The following IHO1 variants were observed in gnomAD, a reference collection of about 807,000 sequenced individuals.
IHO1 encodes interactor of HORMAD1 1, also known as interactor of HORMAD1 protein 1.
IHO1 carries 13 observed loss-of-function variants against 31.0 expected under a neutral mutation model. That is an observed-to-expected ratio of 0.42 (90% CI 0.27 to 0.67). The LOEUF is 0.67. Ranked by LOEUF, IHO1 falls within the 30% of genes least tolerant of loss-of-function variation. IHO1 has a pLI of 0.24. For synonymous variants in IHO1, 221 were observed against 248.4 expected (o/e 0.89, Z 1.04); for missense variants, 599 against 687.5 (o/e 0.87, Z 1.44).
chr3:49,241,488 C>T (rs2046630265), intron 4 of IHO1, 99 bp downstream of exon 4: 4 of 1,157,294 alleles, frequency 3.5e-6, no homozygotes, highest in Non-Finnish European at 4.8e-6. Flanking sequence ...AGCATAATAG[C>T]ATGTATTAGA....
At chr3:49,205,911 A>G (rs2107681003) in intron 1 of IHO1, among the ~76,000 whole-genome samples, 1 of 151,696 alleles carries the variant, frequency 6.6e-6, no homozygotes, top group East Asian at 1.9e-4. Context: ...TTGGGACTAC[A>G]GGCACGTGCC....
At chr3:49,229,815 G>T (rs914010961) in intron 2 of IHO1, among the ~76,000 whole-genome samples, 4 of 152,126 alleles carry the variant, frequency 2.6e-5, no homozygotes, top group Non-Finnish European at 4.4e-5. Context: ...TGGACAACCT[G>T]GGACTATTCA....
Position 49,202,794 on chromosome 3 carries a change from G to T in IHO1, c.-16+3221G>T, listed in dbSNP as rs138648010. Among the ~76,000 whole-genome samples the T allele has an allele frequency of 4.9e-3, 749 of 151,392 alleles. 8 individuals are homozygous for T. Among genetic ancestry groups the T allele is most frequent in the African/African-American group, 0.017 (713 of 41,252 alleles). ...GGGTTCAAGCGATTCTCCTGCCTCA[G>T]CCTCCCAAGTAGCTGGAACTACAGG... On this transcript the variant is annotated intron_variant, in intron 1 of 7. Coordinates refer to ENST00000452691, the MANE Select transcript of IHO1 (RefSeq NM_001135197.2).
At chr3:49,202,851 ATT>A (rs71077774) in intron 1 of IHO1, among the ~76,000 whole-genome samples, 13 of 90,144 alleles carry the variant, frequency 1.4e-4, no homozygotes, top group Admixed American at 4.0e-4. Flanking sequence ...AATTTTTTGT[ATT>A]TTTTTTTTTT....
chr3:49,194,292 G>GTGTATATATATATATATATA (rs2045984478), upstream of IHO1, among the ~76,000 whole-genome samples: 4 of 120,186 alleles, frequency 3.3e-5, no homozygotes, highest in African/African-American at 1.3e-4. Context: ...AGTACAAAGT[G>GTGTATATATATATATATATA]TATATATATA....
intron 2 of IHO1, among the ~76,000 whole-genome samples, chr3:49,229,070 G>T (rs558463733): frequency 6.6e-6 from 1 of 151,910 alleles, no homozygotes; most frequent in East Asian, 1.9e-4. Flanking sequence ...TGATTGGTGC[G>T]TTTACAATCC....
At chr3:49,228,804 T>G (rs1028417482) in intron 2 of IHO1, among the ~76,000 whole-genome samples, 3 of 152,148 alleles carry the variant, frequency 2.0e-5, no homozygotes, top group Non-Finnish European at 2.9e-5. Flanking sequence ...CAGCAAGATT[T>G]ATTGTGAAGA....
intron 2 of IHO1, among the ~76,000 whole-genome samples, chr3:49,224,516 A>G (rs2046394758): frequency 6.6e-6 from 1 of 152,200 alleles, no homozygotes. Context: ...GGATTAGATA[A>G]CCATACTTGC....
rs1176808008 is a variant in IHO1 at position 49,241,340 on chromosome 3, T to C, written c.346T>C (p.Leu116=). 7.4e-6 allele frequency: 12 copies of C among 1,613,408 alleles called. No individual in the cohort carries two copies. Among genetic ancestry groups the C allele is most frequent in the African/African-American group, 1.3e-5 (1 of 74,874 alleles). ...GTCAGTTGGAAAATCAAAAGGCCTC[T>C]TGGAACAGTTTGAGGAGAAAAAGAA... ...PLSVGKSKGL[L]EQFEEKKKRA... is the part of the protein sequence containing the mutation. Residue 116 remains leucine, a synonymous_variant, in exon 4 of 8, where the codon TTG becomes CTG. Coordinates refer to ENST00000452691, the MANE Select transcript of IHO1 (RefSeq NM_001135197.2).
At chr3:49,196,663 T>TATGG (rs202107261), upstream of IHO1, among the ~76,000 whole-genome samples, 3,644 of 149,510 alleles carry the variant, frequency 0.024, 67 homozygotes, top group Middle Eastern at 0.066. Context: ...TTTGTATTTT[T>TATGG]ATTGATTGAT....
chr3:49,245,187 A>G, intron 6 of IHO1: 1 of 254,966 alleles, frequency 3.9e-6, no homozygotes. Context: ...CATCATTCTC[A>G]ATTTTTTTTT....
At chr3:49,244,936 C>T in intron 6 of IHO1, 1 of 626,704 alleles carries the variant, frequency 1.6e-6, no homozygotes, top group Non-Finnish European at 2.9e-6. Flanking sequence ...ATGCTCTGGT[C>T]CCATGATGCC....
upstream of IHO1, among the ~76,000 whole-genome samples, chr3:49,194,669 G>A (rs1019241534): frequency 1.3e-5 from 2 of 150,674 alleles, no homozygotes; most frequent in Admixed American, 6.6e-5. Flanking sequence ...GCCGAGGTGG[G>A]CGAATTGCTT....
At chr3:49,226,128 T>A (rs1055217340) in intron 2 of IHO1, among the ~76,000 whole-genome samples, 2 of 152,208 alleles carry the variant, frequency 1.3e-5, no homozygotes, top group South Asian at 4.1e-4. Flanking sequence ...CATGCTCCAT[T>A]TTCTGTCCTC....
intron 1 of IHO1, among the ~76,000 whole-genome samples, chr3:49,202,593 G>T (rs1229758784): frequency 6.6e-6 from 1 of 151,016 alleles, no homozygotes; most frequent in Non-Finnish European, 1.5e-5. Flanking sequence ...AGCCAGGATG[G>T]TCTCGATCTC....
At chr3:49,194,292 GTATATATATATA>G (rs141683116), upstream of IHO1, among the ~76,000 whole-genome samples, 1 of 120,186 alleles carries the variant, frequency 8.3e-6, no homozygotes, top group Non-Finnish European at 1.6e-5. Flanking sequence ...AGTACAAAGT[GTATATATATATA>G]TATATATATA....
chr3:49,242,091 A>T (rs1559450113), intron 4 of IHO1, among the ~76,000 whole-genome samples: 1 of 151,084 alleles, frequency 6.6e-6, no homozygotes, highest in Non-Finnish European at 1.5e-5. Flanking sequence ...TCACAAGCGC[A>T]TGCCAGCATG....
chr3:49,240,870 C>T (rs2046622931), intron 3 of IHO1, among the ~76,000 whole-genome samples: 1 of 152,140 alleles, frequency 6.6e-6, no homozygotes, highest in Admixed American at 6.5e-5. Flanking sequence ...AGCAGCTGAG[C>T]AACAGCAATT....
intron 2 of IHO1, among the ~76,000 whole-genome samples, chr3:49,232,225 A>G (rs907886701): frequency 3.3e-5 from 5 of 152,252 alleles, no homozygotes; most frequent in African/African-American, 1.2e-4. Flanking sequence ...AGGACAAGCC[A>G]TAGTAGAAAG....
Sources: gnomAD v4.1 joint callset for allele counts (sites outside exome capture counted in the v4.1 genomes callset) on GRCh38, gnomAD v4.1.1 for gene constraint, MANE v1.5 for transcripts, NCBI Gene and HGNC (gene_info 2026-07-23, HGNC 2026-07-21) for gene names.